The following EYS variants were observed in gnomAD, a reference collection of about 807,000 sequenced individuals.
EYS encodes the protein protein eyes shut homolog.
Under a neutral mutation model 282.1 loss-of-function variants are expected in EYS, and 250 were observed. The observed-to-expected ratio is 0.89, with a 90% confidence interval of 0.80 to 0.98. The LOEUF is 0.98. EYS is among the 50% of genes least tolerant of loss of function. The pLI is 0.00. For missense variants in EYS, 4,016 were observed against 3,709.0 expected (o/e 1.08, Z -2.15); for synonymous variants, 1,355 against 1,282.9 (o/e 1.06, Z -1.20).
At chr6:64,661,946 CG>C (rs1769042313) in intron 22 of EYS, among the ~76,000 whole-genome samples, 1 of 150,882 alleles carries the variant, frequency 6.6e-6, no homozygotes, top group Admixed American at 6.6e-5. Context: ...ATGTTTATTG[CG>C]GCACTATTCA....
chr6:64,019,683 A>G (rs1451450214), intron 33 of EYS, among the ~76,000 whole-genome samples: 2 of 152,094 alleles, frequency 1.3e-5, no homozygotes, highest in African/African-American at 4.8e-5. Flanking sequence ...TGCTGGGATT[A>G]CAGGCATGAG....
chr6:63,847,980 G>A (rs1172631872), intron 36 of EYS, among the ~76,000 whole-genome samples: 6 of 152,128 alleles, frequency 3.9e-5, no homozygotes, highest in Admixed American at 6.5e-5. Context: ...AAAACAAACC[G>A]AGTGATATAT....
chr6:64,494,471 T>C (rs1417219306), intron 26 of EYS, among the ~76,000 whole-genome samples: 1 of 151,642 alleles, frequency 6.6e-6, no homozygotes, highest in Non-Finnish European at 1.5e-5. Context: ...TCTCTCACTA[T>C]TCTTTATTTC....
Position 64,485,134 on chromosome 6 carries a change from C to A in EYS, c.5645-45782G>T, listed in dbSNP as rs528902384. On this transcript the variant is annotated intron_variant, in intron 26 of 42. Transcript: ENST00000503581. ...GGGTTGAGACCAAGGAAAGAAAGTG[C>A]TGCCTCTACTGTGTTAGAAATAAGG... Among the ~76,000 whole-genome samples, 5 of 151,750 alleles carry A rather than the reference C, an allele frequency of 3.3e-5. No individual in the cohort carries two copies. In the South Asian group the frequency reaches 1.0e-3, roughly 31 times the overall value.
intron 35 of EYS, among the ~76,000 whole-genome samples, chr6:63,930,824 C>T (rs543989340): frequency 3.3e-5 from 5 of 151,980 alleles, no homozygotes; most frequent in African/African-American, 1.2e-4. Flanking sequence ...CCAAACCTTG[C>T]AACCCACCCC....
In EYS at chr6:63,725,106, A is replaced by G. The variant is rs568182720; in HGVS notation, c.8233+1413T>C. On this transcript the variant is annotated intron_variant, in intron 42 of 42. Transcript: ENST00000503581. Reference sequence around the variant, plus strand: ...CTAGGTTTAAGCATGTAGAACTTATATTTTTAATATTTAAAAATTTTCATG... The same window carrying G: ...CTAGGTTTAAGCATGTAGAACTTATGTTTTTAATATTTAAAAATTTTCATG... Among the ~76,000 whole-genome samples, 156 of 152,288 alleles carry G rather than the reference A, an allele frequency of 1.0e-3. 1 individual carries two copies. The highest frequency in any genetic ancestry group is 3.4e-3 in the African/African-American group (142 of 41,600).
intron 2 of EYS, among the ~76,000 whole-genome samples, chr6:65,635,529 G>C (rs150370580): frequency 0.014 from 2,087 of 152,156 alleles, 14 homozygotes; most frequent in African/African-American, 0.018. Context: ...GCCCAGGCTT[G>C]TATCAAACTC....
intron 33 of EYS, among the ~76,000 whole-genome samples, chr6:64,041,216 T>C (rs1455372114): frequency 6.6e-6 from 1 of 152,052 alleles, no homozygotes; most frequent in East Asian, 1.9e-4. Flanking sequence ...TGGAATCAGT[T>C]CCATCATAGA....
chr6:64,514,921 C>A (rs553648944), intron 26 of EYS, among the ~76,000 whole-genome samples: 3 of 151,738 alleles, frequency 2.0e-5, no homozygotes, highest in Non-Finnish European at 4.4e-5. Flanking sequence ...AAAGCAGTAT[C>A]AAAAATTTTG....
chr6:65,472,375 T>C (rs979254613), intron 5 of EYS, among the ~76,000 whole-genome samples: 1 of 152,060 alleles, frequency 6.6e-6, no homozygotes, highest in South Asian at 2.1e-4. Context: ...TGTTTTATAA[T>C]TATTTTGCAA....
At chr6:64,195,798 CATA>C (rs1765270335) in intron 31 of EYS, among the ~76,000 whole-genome samples, 1 of 152,078 alleles carries the variant, frequency 6.6e-6, no homozygotes, top group Non-Finnish European at 1.5e-5. Flanking sequence ...AAAATTTAAA[CATA>C]ATAAGGCACA....
chr6:64,492,748 G>T (rs138807557), intron 26 of EYS, among the ~76,000 whole-genome samples: 1 of 151,334 alleles, frequency 6.6e-6, no homozygotes, highest in Admixed American at 6.6e-5. Context: ...GGTGGTTAAA[G>T]TGATGATAGA....
chr6:63,909,282 C>T (rs928132151), intron 35 of EYS, among the ~76,000 whole-genome samples: 5 of 152,152 alleles, frequency 3.3e-5, no homozygotes, highest in African/African-American at 4.8e-5. Context: ...ACAATCCATT[C>T]CTGTCTGTGT....
intron 22 of EYS, among the ~76,000 whole-genome samples, chr6:64,630,162 C>G (rs1309908100): frequency 6.6e-6 from 1 of 152,164 alleles, no homozygotes; most frequent in Non-Finnish European, 1.5e-5. Context: ...GTGGCACGAT[C>G]TCGGCTCACT....
intron 35 of EYS, among the ~76,000 whole-genome samples, chr6:63,949,175 G>C (rs1765491225): frequency 6.6e-6 from 1 of 152,138 alleles, no homozygotes; most frequent in Non-Finnish European, 1.5e-5. Context: ...AGTTCTGTTA[G>C]AAGAAAAGAT....
At chr6:65,379,945 C>T (rs1205160448) in intron 8 of EYS, among the ~76,000 whole-genome samples, 1 of 151,852 alleles carries the variant, frequency 6.6e-6, no homozygotes, top group African/African-American at 2.4e-5. Context: ...GAACTACAAA[C>T]CACTGCTCAA....
At chr6:64,908,243 T>G (rs561218067) in intron 16 of EYS, among the ~76,000 whole-genome samples, 1 of 152,168 alleles carries the variant, frequency 6.6e-6, no homozygotes, top group South Asian at 2.1e-4. Flanking sequence ...GGCTGGCCAC[T>G]CCAGATGCCG....
At chr6:64,518,525 C>T (rs919483975) in intron 26 of EYS, among the ~76,000 whole-genome samples, 1 of 151,762 alleles carries the variant, frequency 6.6e-6, no homozygotes, top group Non-Finnish European at 1.5e-5. Context: ...TAATTATAAA[C>T]AAAGTATATT....
chr6:65,530,209 T>G (rs1464408574), intron 2 of EYS, among the ~76,000 whole-genome samples: 1 of 152,176 alleles, frequency 6.6e-6, no homozygotes, highest in East Asian at 1.9e-4. Context: ...TGGGAAGATA[T>G]TCCCAATTAT....
Sources: allele counts gnomAD v4.1 joint callset (sites outside exome capture counted in the v4.1 genomes callset), GRCh38; gene constraint gnomAD v4.1.1; transcripts MANE v1.5; gene names NCBI Gene and HGNC (gene_info 2026-07-23, HGNC 2026-07-21).